Variants in STIM2 observed in about 807,000 individuals in gnomAD.
The protein encoded by STIM2 is stromal interaction molecule 2.
STIM2 carries 31 observed loss-of-function variants against 85.8 expected under a neutral mutation model. The observed-to-expected ratio is 0.36, with a 90% CI of 0.27 to 0.49. STIM2 has a LOEUF of 0.49. STIM2 is among the 20% of genes least tolerant of loss of function. The probability of loss-of-function intolerance (pLI) is 0.98; values close to 1 mark genes in which losing one functional copy is unlikely to be tolerated. For synonymous variants in STIM2, 356 were observed against 331.1 expected, an observed-to-expected ratio of 1.08 and a Z score of -0.82; for missense variants, 841 against 927.6, an observed-to-expected ratio of 0.91 and a Z score of 1.21.
In STIM2 at chr4:26,892,538, C is replaced by G. The variant is rs188845585; in HGVS notation, c.152-26966C>G. On this transcript the variant is annotated intron_variant, in intron 1 of 11. Coordinates refer to ENST00000467087, the MANE Select transcript of STIM2 (RefSeq NM_020860.4). ...ACATATGAATTTTTTTGGGGGGGGA[C>G]GCATATATTCAGTCCATGACACCCC... Among the ~76,000 whole-genome samples, 6 of 152,042 alleles carry G rather than the reference C, an allele frequency of 3.9e-5. No homozygotes were observed. In the East Asian group the frequency reaches 9.7e-4, roughly 25 times the overall value.
intron 2 of STIM2, among the ~76,000 whole-genome samples, chr4:26,934,860 C>T (rs1725336031): frequency 6.8e-6 from 1 of 147,958 alleles, no homozygotes; most frequent in South Asian, 2.1e-4. Flanking sequence ...TTGTAGTGAG[C>T]CGAGATCGCG....
intron 1 of STIM2, among the ~76,000 whole-genome samples, chr4:26,886,596 A>G (rs933328759): frequency 9.9e-5 from 15 of 152,150 alleles, no homozygotes; most frequent in African/African-American, 3.6e-4. Flanking sequence ...GATGGATACC[A>G]TTGTTGGATT....
At chr4:26,913,798 G>T (rs1724429732) in intron 1 of STIM2, among the ~76,000 whole-genome samples, 1 of 152,206 alleles carries the variant, frequency 6.6e-6, no homozygotes, top group Non-Finnish European at 1.5e-5. Context: ...CTTACTGTGT[G>T]CCAGATACTG....
At position 26,861,117 on chromosome 4, in the gene STIM2, G is replaced by C. The variant is rs771865380; in HGVS notation, c.-102G>C. The C allele has an allele frequency of 5.8e-6, 7 of 1,210,070 alleles. No individual in the cohort carries two copies. The highest frequency in any genetic ancestry group is 7.2e-6 in the Non-Finnish European group (7 of 974,842). 75.0% of individuals were successfully genotyped at this position (1,210,070 alleles called of 1,614,324 possible). ...AGCCGGCGAGCTGCAGGCGGCCGGGGCGCCGCTGCGCTTTCACCCGGCTTC... is the reference window on the plus strand; with the variant it reads ...AGCCGGCGAGCTGCAGGCGGCCGGGCCGCCGCTGCGCTTTCACCCGGCTTC... On this transcript the variant is annotated 5_prime_UTR_variant, in exon 1 of 12. Coordinates refer to ENST00000467087, the MANE Select transcript of STIM2 (RefSeq NM_020860.4).
At position 26,861,231 on chromosome 4, in the gene STIM2, G is replaced by C; in HGVS notation, c.13G>C (p.Gly5Arg). The change falls in exon 1 of 12, where the codon GGG (glycine) becomes CGG (arginine). Residue 5 changes from glycine (G) to arginine (R), a missense_variant. By Grantham distance (125) the Gly-to-Arg change is moderately radical. This residue lies in a region of STIM2 where 140 missense variants were observed against 117.7 expected (regional missense o/e 1.19). Transcript: ENST00000467087. ...GCGCTGGGCTGCGTTGCTGGTGCTC[G>C]GGCTGCTGGTAGCCGGAGCGGCGGA... 6.7e-7 allele frequency: 1 copy of C among 1,493,802 alleles called. No homozygotes were observed. Among genetic ancestry groups the C allele is most frequent in the Non-Finnish European group, 8.9e-7 (1 of 1,128,954 alleles). The allele number at this position is 1,493,802 out of a possible 1,614,324, so 92.5% of individuals were successfully genotyped here.
chr4:26,972,870 T>G (rs1470391652), intron 3 of STIM2, among the ~76,000 whole-genome samples: 1 of 152,198 alleles, frequency 6.6e-6, no homozygotes, highest in African/African-American at 2.4e-5. Flanking sequence ...CCTCTGTTCC[T>G]GGACTTCTTT....
At chr4:26,934,196 A>G (rs766667088) in intron 2 of STIM2, among the ~76,000 whole-genome samples, 13 of 152,250 alleles carry the variant, frequency 8.5e-5, no homozygotes, top group Non-Finnish European at 1.5e-4. Context: ...TATCTCAAAA[A>G]AAGAAAAAAA....
At chr4:26,951,561 T>A (rs1247335656) in intron 2 of STIM2, among the ~76,000 whole-genome samples, 1 of 152,118 alleles carries the variant, frequency 6.6e-6, no homozygotes, top group South Asian at 2.1e-4. Context: ...GTTGTTTGTA[T>A]ATTGTGTCTG....
intron 3 of STIM2, among the ~76,000 whole-genome samples, chr4:26,982,744 CAG>C (rs1727446479): frequency 6.6e-6 from 1 of 152,140 alleles, no homozygotes; most frequent in Admixed American, 6.5e-5. Flanking sequence ...CCTCAGTGGA[CAG>C]AGTTAAGAAA....
chr4:26,919,847 A>G (rs562769920), intron 2 of STIM2, among the ~76,000 whole-genome samples: 7 of 152,082 alleles, frequency 4.6e-5, no homozygotes, highest in Non-Finnish European at 1.0e-4. Flanking sequence ...TCCCAGTTGT[A>G]TAAAAATTTT....
intron 1 of STIM2, among the ~76,000 whole-genome samples, chr4:26,870,571 T>A (rs765436167): frequency 6.6e-6 from 1 of 152,138 alleles, no homozygotes; most frequent in Non-Finnish European, 1.5e-5. Context: ...TTTAAAAAAT[T>A]TTTAACTGAT....
intron 3 of STIM2, among the ~76,000 whole-genome samples, chr4:26,966,811 C>T (rs1726742807): frequency 6.6e-6 from 1 of 151,992 alleles, no homozygotes; most frequent in South Asian, 2.1e-4. Context: ...TAATTAAAAA[C>T]CGTTTCAATC....
chr4:26,993,062 T>C (rs1165585412), intron 3 of STIM2, among the ~76,000 whole-genome samples: 1 of 152,166 alleles, frequency 6.6e-6, no homozygotes, highest in African/African-American at 2.4e-5. Flanking sequence ...TTTTCACTGT[T>C]GAACAGTCAT....
intron 2 of STIM2, among the ~76,000 whole-genome samples, chr4:26,928,409 A>C (rs564677159): frequency 6.6e-6 from 1 of 152,358 alleles, no homozygotes; most frequent in East Asian, 1.9e-4. Flanking sequence ...TGATATATAC[A>C]CAGAGAAAGT....
chr4:26,884,144 A>G (rs1049950416), intron 1 of STIM2, among the ~76,000 whole-genome samples: 1 of 152,332 alleles, frequency 6.6e-6, no homozygotes, highest in East Asian at 1.9e-4. Flanking sequence ...GTTACAGGCA[A>G]TCATCTGTAT....
chr4:26,918,205 CA>C (rs1724661468), intron 1 of STIM2, among the ~76,000 whole-genome samples: 1 of 146,754 alleles, frequency 6.8e-6, no homozygotes, highest in African/African-American at 2.5e-5. Flanking sequence ...GTAATTGGAA[CA>C]TGTTAGGTAA....
intron 2 of STIM2, among the ~76,000 whole-genome samples, chr4:26,941,984 C>T (rs1033870076): frequency 1.3e-5 from 2 of 152,052 alleles, no homozygotes; most frequent in Admixed American, 6.6e-5. Flanking sequence ...TACTGTAAAA[C>T]CTGTTGTGTA....
chr4:26,962,788 C>T (rs534390226), intron 3 of STIM2, among the ~76,000 whole-genome samples: 5 of 152,078 alleles, frequency 3.3e-5, no homozygotes, highest in African/African-American at 1.2e-4. Flanking sequence ...GGAAATTGTA[C>T]ATAGAAAATA....
At chr4:26,881,685 G>C (rs1723021589) in intron 1 of STIM2, 1 of 152,168 alleles carries the variant, frequency 6.6e-6, no homozygotes. Context: ...AGTGGACTAA[G>C]ACAAGTTGCA....
Sources: allele counts gnomAD v4.1 joint callset (sites outside exome capture counted in the v4.1 genomes callset), GRCh38; gene constraint gnomAD v4.1.1; regional missense constraint gnomAD v4.1.1; transcripts MANE v1.5; gene names NCBI Gene and HGNC (gene_info 2026-07-23, HGNC 2026-07-21).